TMEM63A: variants seen among roughly 807,000 people sequenced by gnomAD.
TMEM63A encodes the protein transmembrane protein 63A.
TMEM63A carries 76 observed loss-of-function variants against 100.6 expected under a neutral mutation model. The observed-to-expected ratio is 0.76, with a 90% CI of 0.63 to 0.91. TMEM63A has a LOEUF of 0.91. Ranked by LOEUF, TMEM63A falls within the 40% of genes least tolerant of loss-of-function variation. The probability of loss-of-function intolerance (pLI) is 0.00; values close to 1 mark genes in which losing one functional copy is unlikely to be tolerated. For missense variants in TMEM63A, 876 were observed against 1,008.8 expected, an observed-to-expected ratio of 0.87 and a Z score of 1.78; for synonymous variants, 401 against 401.1, an observed-to-expected ratio of 1.00 and a Z score of 0.00.
At chr1:225,847,320 G>A in intron 23 of TMEM63A, 107 bp from the exon 24 acceptor site, 1 of 1,370,514 alleles carries the variant, frequency 7.3e-7, no homozygotes, top group Non-Finnish European at 9.9e-7. Flanking sequence ...GGCCATAAAG[G>A]ACATATGAAG....
At chr1:225,875,693 C>G (rs1316944755) in intron 3 of TMEM63A, among the ~76,000 whole-genome samples, 2 of 152,102 alleles carry the variant, frequency 1.3e-5, no homozygotes, top group Non-Finnish European at 2.9e-5. Context: ...CAGACACTTC[C>G]CACAAACCCA....
chr1:225,854,159 G>A lies in TMEM63A; in HGVS notation c.1635-368C>T, dbSNP rs1301562377. On this transcript the variant is annotated intron_variant, in intron 18 of 24. Transcript: ENST00000366835. ...TGATATTCGTGCAGAAATGTGAAGA[G>A]GTGAAGGAGCAAGTCATCCCCAAAC... Among the ~76,000 whole-genome samples the A allele has an allele frequency of 2.0e-5, 3 of 151,976 alleles. No homozygotes were observed. In the East Asian group the frequency reaches 5.8e-4, roughly 29 times the overall value.
At chr1:225,842,811 T>C (rs1668539765), downstream of TMEM63A, among the ~76,000 whole-genome samples, 1 of 152,178 alleles carries the variant, frequency 6.6e-6, no homozygotes, top group African/African-American at 2.4e-5. Context: ...TTCCTCCTGA[T>C]TCCCTGGAGA....
At chr1:225,866,229 C>T (rs1670201231) in intron 9 of TMEM63A, 2 of 535,734 alleles carry the variant, frequency 3.7e-6, no homozygotes, top group African/African-American at 3.8e-5. Flanking sequence ...GGGGAAGTGA[C>T]TCAAATGCGG....
At chr1:225,861,784 G>C in intron 13 of TMEM63A, 1 of 198,580 alleles carries the variant, frequency 5.0e-6, no homozygotes, top group Non-Finnish European at 1.0e-5. Flanking sequence ...GCGTGCCCCA[G>C]GGGTCTTCCC....
intron 1 of TMEM63A, among the ~76,000 whole-genome samples, chr1:225,880,724 A>G (rs1057403370): frequency 1.3e-5 from 2 of 152,196 alleles, no homozygotes; most frequent in Non-Finnish European, 2.9e-5. Flanking sequence ...AGTTCAACCC[A>G]TGTGCAGGCA....
chr1:225,868,072 G>A (rs1670304246), intron 6 of TMEM63A, 42 bp from the exon 7 acceptor site: 1 of 1,609,054 alleles, frequency 6.2e-7, no homozygotes, highest in Non-Finnish European at 8.5e-7. Flanking sequence ...AGTGGAACAG[G>A]CCTCGGGGCT....
chr1:225,857,377 G>A (rs1437941831), intron 15 of TMEM63A, among the ~76,000 whole-genome samples: 4 of 19,662 alleles, frequency 2.0e-4, no homozygotes, highest in South Asian at 2.1e-3. Context: ...AGTCCTGGCC[G>A]GCGGGGCGGG....
intron 15 of TMEM63A, 100 bp from the exon 16 acceptor site, chr1:225,857,117 G>A: frequency 9.8e-7 from 1 of 1,022,056 alleles, no homozygotes; most frequent in Non-Finnish European, 1.4e-6. Context: ...GACTCCCAGG[G>A]TAGGAGTTTG....
At position 225,847,189 on chromosome 1, in the gene TMEM63A, C is replaced by T. The variant is rs145910502; in HGVS notation, c.2275G>A (p.Gly759Ser). 58 of 1,613,280 alleles carry T rather than the reference C, an allele frequency of 3.6e-5. No homozygotes were observed. The highest frequency in any genetic ancestry group is 5.3e-5 in the African/African-American group (4 of 74,942). The stretch of plus-strand genomic sequence containing the variant: ...AGTGCTGTCCTCTCCGAGGCCAAGC[C>T]GTTCAGAATCCGAGGCACGTAGGGC... ...FTPYVPRILN[G>S]LASERTALSP... The change falls in exon 24 of 25, where the codon GGC becomes AGC. Residue 759 changes from glycine (G) to serine (S), a missense_variant. Coordinates refer to ENST00000366835, the MANE Select transcript of TMEM63A (RefSeq NM_014698.3).
intron 15 of TMEM63A, 90 bp from the exon 16 acceptor site, chr1:225,857,107 G>T: frequency 9.0e-7 from 1 of 1,108,100 alleles, no homozygotes; most frequent in South Asian, 1.9e-5. Flanking sequence ...TCGCTCAGTG[G>T]ACTCCCAGGG....
In TMEM63A at chr1:225,857,000, C is replaced by G. The variant is rs1669656327; in HGVS notation, c.1395G>C (p.Gln465His). Residue 465 changes from glutamine to histidine, a missense_variant, in exon 16 of 25, where the codon CAG (glutamine) becomes CAC (histidine). Gln to His is a conservative substitution (Grantham distance 24, BLOSUM62 0). Transcript: ENST00000366835. ...ACCAGAGCAGGAGGGTGGGGAAGAACTGGCTGATGATCGGGTTCTAGGAGA... is the reference window on the plus strand; with the variant it reads ...ACCAGAGCAGGAGGGTGGGGAAGAAGTGGCTGATGATCGGGTTCTAGGAGA... ...IHALNNPIIS[Q>H]FFPTLLLWSF... The G allele has an allele frequency of 6.3e-7, 1 of 1,583,144 alleles. No homozygotes were observed. The highest frequency in any genetic ancestry group is 8.5e-7 in the Non-Finnish European group (1 of 1,170,806).
At chr1:225,842,404 T>C (rs1668504806), downstream of TMEM63A, 1 of 1,614,134 alleles carries the variant, frequency 6.2e-7, no homozygotes, top group Non-Finnish European at 8.5e-7. Context: ...TCTGGCTGCC[T>C]ATATTCTAGA....
chr1:225,852,781 A>T lies in TMEM63A; in HGVS notation c.1798-12T>A, dbSNP rs762103842. On this transcript the variant is annotated splice_polypyrimidine_tract_variant and intron_variant, in intron 19 of 24. Coordinates refer to ENST00000366835, the MANE Select transcript of TMEM63A (RefSeq NM_014698.3). ...TGGAAGGCCTGGTTCTGGGAGGAGG[A>T]GGTGGTGAGGAGCTCATGGACTTGT... is the stretch of plus-strand genomic sequence containing the variant. The T allele has an allele frequency of 3.7e-6, 6 of 1,611,556 alleles. No homozygotes were observed. In the African/African-American group the frequency reaches 4.0e-5, roughly 11 times the overall value.
chr1:225,848,045 T>C (rs529807735), intron 23 of TMEM63A, among the ~76,000 whole-genome samples: 76 of 152,184 alleles, frequency 5.0e-4, no homozygotes, highest in Non-Finnish European at 9.7e-4. Flanking sequence ...GGGGTCTTCC[T>C]CTGAAGCAGG....
In TMEM63A at chr1:225,855,792, G is replaced by T; in HGVS notation, c.1634+86C>A. On this transcript the variant is annotated intron_variant, in intron 18 of 24. Transcript: ENST00000366835. Reference sequence around the variant, plus strand: ...CTGTTCAGAAGCATAGGCTACGACCGCCCCCACCCATCCCACTGCAGCCCC... The same window carrying T: ...CTGTTCAGAAGCATAGGCTACGACCTCCCCCACCCATCCCACTGCAGCCCC... The T allele has an allele frequency of 4.4e-6, 6 of 1,377,176 alleles. No homozygotes were observed. The South Asian group carries it at 6.1e-5, about 14-fold the overall frequency. The allele number at this position is 1,377,176 out of a possible 1,614,324, so 85.3% of individuals were successfully genotyped here.
chr1:225,861,295 T>G (rs1669920743), intron 13 of TMEM63A: 1 of 228,952 alleles, frequency 4.4e-6, no homozygotes, highest in African/African-American at 2.3e-5. Context: ...CCCTGCCTGT[T>G]AAGCTGGAGC....
intron 15 of TMEM63A, among the ~76,000 whole-genome samples, chr1:225,857,449 C>T (rs546242657): frequency 8.0e-5 from 12 of 149,528 alleles, no homozygotes; most frequent in Non-Finnish European, 1.8e-4. Flanking sequence ...CAGGGCTCCA[C>T]TGTGTGTGTC....
At chr1:225,870,340 G>A (rs1375556831) in intron 6 of TMEM63A, among the ~76,000 whole-genome samples, 4 of 120,514 alleles carry the variant, frequency 3.3e-5, no homozygotes, top group African/African-American at 6.1e-5. Flanking sequence ...CGACAAGAGC[G>A]AAACTCGGTC....
Sources: allele counts gnomAD v4.1 joint callset (sites outside exome capture counted in the v4.1 genomes callset), GRCh38; gene constraint gnomAD v4.1.1; transcripts MANE v1.5; gene names NCBI Gene and HGNC (gene_info 2026-07-23, HGNC 2026-07-21).